The following ACVR1 variants were observed in gnomAD, a reference collection of about 807,000 sequenced individuals.
ACVR1 encodes the protein activin receptor type-1.
A neutral mutation model predicts 57.1 loss-of-function variants in ACVR1; 38 were observed. The observed-to-expected ratio is 0.67, with a 90% CI of 0.51 to 0.87. The LOEUF (loss-of-function observed/expected upper bound fraction) is 0.87. Ranked by LOEUF, ACVR1 falls within the 40% of genes least tolerant of loss-of-function variation. The pLI, the probability that ACVR1 is intolerant of heterozygous loss-of-function variation, is 0.00. For missense variants in ACVR1, 463 were observed against 638.2 expected (o/e 0.73, Z 2.96); for synonymous variants, 212 against 228.1 (o/e 0.93, Z 0.63).
intron 1 of ACVR1, among the ~76,000 whole-genome samples, chr2:157,827,182 T>C (rs1056066599): frequency 6.6e-6 from 1 of 152,126 alleles, no homozygotes; most frequent in Non-Finnish European, 1.5e-5. Flanking sequence ...GCTTCCTAAT[T>C]ATGATTGAAC....
chr2:157,798,983 G>T (rs372436550), intron 3 of ACVR1, among the ~76,000 whole-genome samples: 1 of 151,732 alleles, frequency 6.6e-6, no homozygotes, highest in Admixed American at 6.6e-5. Flanking sequence ...TACAACCTCC[G>T]CCTCCCAGAT....
At chr2:157,795,536 A>G (rs1396290736) in intron 3 of ACVR1, among the ~76,000 whole-genome samples, 5 of 152,056 alleles carry the variant, frequency 3.3e-5, no homozygotes, top group African/African-American at 1.2e-4. Context: ...ATTTTTTTAA[A>G]AAAACAGCAA....
At chr2:157,874,490 G>A (rs1050277393) in intron 1 of ACVR1, among the ~76,000 whole-genome samples, 1 of 152,142 alleles carries the variant, frequency 6.6e-6, no homozygotes, top group African/African-American at 2.4e-5. Context: ...CCCAAGCCTG[G>A]GCCCCTGGCC....
intron 5 of ACVR1, among the ~76,000 whole-genome samples, chr2:157,775,494 T>C (rs536332975): frequency 1.7e-4 from 26 of 152,326 alleles, no homozygotes; most frequent in Non-Finnish European, 3.5e-4. Flanking sequence ...AGCAATACAT[T>C]GATTTGTGTG....
At chr2:157,740,357 T>C (rs953086370) in intron 9 of ACVR1, among the ~76,000 whole-genome samples, 9 of 152,186 alleles carry the variant, frequency 5.9e-5, no homozygotes, top group African/African-American at 2.2e-4. Context: ...GAGGCCCTTC[T>C]TCTCCTGTAA....
chr2:157,761,111 A>T (rs759642256), intron 8 of ACVR1, 34 bp from the exon 9 acceptor site: 30 of 1,607,908 alleles, frequency 1.9e-5, no homozygotes, highest in Non-Finnish European at 2.1e-5. Flanking sequence ...TAATCAACCC[A>T]CTTCCTTTCT....
chr2:157,789,144 T>G (rs902962091), intron 3 of ACVR1, among the ~76,000 whole-genome samples: 1 of 152,194 alleles, frequency 6.6e-6, no homozygotes, highest in Non-Finnish European at 1.5e-5. Context: ...ACAGTTAAAT[T>G]TGAGTCATTT....
chr2:157,870,206 C>T (rs116068190), intron 1 of ACVR1, among the ~76,000 whole-genome samples: 2,040 of 152,252 alleles, frequency 0.013, 53 homozygotes, highest in African/African-American at 0.046. Context: ...TTCTAATATC[C>T]AACTTTGCCC....
chr2:157,837,196 G>A (rs756398101), intron 1 of ACVR1, among the ~76,000 whole-genome samples: 1 of 152,216 alleles, frequency 6.6e-6, no homozygotes, highest in Non-Finnish European at 1.5e-5. Flanking sequence ...ACATGTAACA[G>A]AGGCAGAGCT....
At chr2:157,744,802 TGAGGCTGTTCATGGCA>T (rs1192175226) in intron 9 of ACVR1, among the ~76,000 whole-genome samples, 1 of 152,214 alleles carries the variant, frequency 6.6e-6, no homozygotes, top group East Asian at 1.9e-4. Flanking sequence ...AATAAATGGA[TGAGGCTGTTCATGGCA>T]GAGGGGATGA....
chr2:157,773,033 C>T (rs1686130663), intron 6 of ACVR1, among the ~76,000 whole-genome samples: 1 of 152,156 alleles, frequency 6.6e-6, no homozygotes, highest in Non-Finnish European at 1.5e-5. Flanking sequence ...GTGGGGGCAG[C>T]TTATAGGTCA....
At chr2:157,778,047 T>C (rs951412193) in intron 5 of ACVR1, 84 bp downstream of exon 5, 166 of 1,407,390 alleles carry the variant, frequency 1.2e-4, no homozygotes, top group Non-Finnish European at 1.5e-4. Context: ...CACTCATTAC[T>C]GGTTAGCGTT....
rs775860287 is a variant in ACVR1 at position 157,778,346 on chromosome 2, G to A, written c.332-4C>T. 1.2e-6 allele frequency: 2 copies of A among 1,611,474 alleles called. No individual in the cohort carries two copies. The highest frequency in any genetic ancestry group is 2.2e-5 in the South Asian group (2 of 90,734). ...TGTGTTCCAGGGAAGGATTTTCCTG[G>A]AGTTGGAGGGAAAAGGGGGAATTAG... On this transcript the variant is annotated splice_region_variant and splice_polypyrimidine_tract_variant and intron_variant, in intron 4 of 10. Coordinates refer to ENST00000434821, the MANE Select transcript of ACVR1 (RefSeq NM_001111067.4).
intron 9 of ACVR1, among the ~76,000 whole-genome samples, chr2:157,747,229 C>T (rs1351347137): frequency 1.2e-4 from 19 of 152,168 alleles, no homozygotes; most frequent in Non-Finnish European, 1.9e-4. Flanking sequence ...AGGCACATCA[C>T]ACCCTAGGGT....
Position 157,765,994 on chromosome 2 carries a change from G to A in ACVR1, c.993C>T (p.Ala331=). Residue 331 remains alanine (A), a synonymous_variant, in exon 8 of 11, where the codon GCC becomes GCT. Coordinates refer to ENST00000434821, the MANE Select transcript of ACVR1 (RefSeq NM_001111067.4). ...TGCTCTTTAAATCTCGATGGGCAAT[G>A]GCTGGTTTCCCTTGGGTCCCAAATA... ...IEIFGTQGKP[A]IAHRDLKSKN... The A allele has an allele frequency of 6.2e-6, 10 of 1,614,118 alleles. No individual in the cohort carries two copies. Among genetic ancestry groups the A allele is most frequent in the Non-Finnish European group, 8.5e-6 (10 of 1,179,982 alleles).
rs181616749 is a variant in ACVR1, at chr2:157,861,928, G to C, written c.-183+13868C>G. 4.6e-5 allele frequency among the ~76,000 whole-genome samples: 7 copies of C among 152,160 alleles called. No individual in the cohort carries two copies. The East Asian group carries it at 1.4e-3, about 29-fold the overall frequency. ...TAATCCTAAAGTAGATATAAAACCT[G>C]TCACACTAGAGAGGTACAGTACATT... is the stretch of plus-strand genomic sequence containing the variant. On this transcript the variant is annotated intron_variant, in intron 1 of 10. Transcript: ENST00000434821.
In ACVR1 at chr2:157,778,142, T is replaced by C; in HGVS notation, c.532A>G (p.Ser178Gly). ...EGLITTNVGD[S>G]TLADLLDHSC... ...GGGTCATGACTTACTGCTAAAGTGC[T>C]GTCTCCAACATTGGTGGTGATGAGC... The change falls in exon 5 of 11, where the codon AGC becomes GGC. Residue 178 changes from serine to glycine, a missense_variant. This residue lies in a region of ACVR1 where 203 missense variants were observed against 235.5 expected (regional missense o/e 0.86). Transcript: ENST00000434821. 1 of 1,613,834 alleles carries C rather than the reference T, an allele frequency of 6.2e-7. No homozygotes were observed. Among genetic ancestry groups the C allele is most frequent in the South Asian group, 1.1e-5 (1 of 91,052 alleles).
chr2:157,843,938 C>T (rs113891928), intron 1 of ACVR1, among the ~76,000 whole-genome samples: 28 of 151,654 alleles, frequency 1.8e-4, no homozygotes, highest in Non-Finnish European at 2.5e-4. Flanking sequence ...CATTCAAAGA[C>T]GAAAAAGAAA....
chr2:157,855,323 T>TATAC (rs368753827), intron 1 of ACVR1, among the ~76,000 whole-genome samples: 2 of 108,554 alleles, frequency 1.8e-5, no homozygotes, highest in African/African-American at 7.8e-5. Context: ...TATATATATA[T>TATAC]ACACACACAC....
Sources: gnomAD v4.1 joint callset for allele counts (sites outside exome capture counted in the v4.1 genomes callset) on GRCh38, gnomAD v4.1.1 for gene constraint, gnomAD v4.1.1 regional missense constraint, MANE v1.5 for transcripts, NCBI Gene and HGNC (gene_info 2026-07-23, HGNC 2026-07-21) for gene names.